Variants in HSD17B2 observed in about 807,000 individuals in gnomAD.
HSD17B2 encodes hydroxysteroid 17-beta dehydrogenase 2.
In HSD17B2, 32 loss-of-function variants were observed where a neutral mutation model predicts 26.9. The ratio of observed to expected loss-of-function variants is 1.19; its 90% CI spans 0.90 to 1.60. The LOEUF (loss-of-function observed/expected upper bound fraction) is 1.60. Ranked by LOEUF, HSD17B2 falls within the 40% of genes most tolerant of loss-of-function variation. The pLI, the probability that HSD17B2 is intolerant of heterozygous loss-of-function variation, is 0.00. For synonymous variants in HSD17B2, 246 were observed against 186.7 expected (o/e 1.32, Z -2.59); for missense variants, 613 against 468.6 (o/e 1.31, Z -2.85).
chr16:82,059,674 G>A (rs918090054), intron 1 of HSD17B2, among the ~76,000 whole-genome samples: 1 of 152,192 alleles, frequency 6.6e-6, no homozygotes, highest in Non-Finnish European at 1.5e-5. Flanking sequence ...ACAAAAGAAT[G>A]AAGGTGAAGA....
chr16:82,081,742 CTTCT>C (rs1028660353), intron 3 of HSD17B2, among the ~76,000 whole-genome samples: 14 of 152,296 alleles, frequency 9.2e-5, no homozygotes, highest in African/African-American at 3.4e-4. Flanking sequence ...CTGCCCCGCA[CTTCT>C]TTATTTTTAA....
intron 1 of HSD17B2, among the ~76,000 whole-genome samples, chr16:82,041,209 T>C (rs1913756933): frequency 6.6e-6 from 1 of 152,200 alleles, no homozygotes; most frequent in Admixed American, 6.5e-5. Flanking sequence ...CATGTGCCTC[T>C]TCTCAGTCTC....
chr16:82,073,777 CA>C (rs1414813526), intron 3 of HSD17B2, among the ~76,000 whole-genome samples: 6 of 152,162 alleles, frequency 3.9e-5, no homozygotes, highest in African/African-American at 1.2e-4. Flanking sequence ...CCACTCTGCC[CA>C]AAGCAATTTA....
intron 1 of HSD17B2, among the ~76,000 whole-genome samples, chr16:82,040,094 T>C (rs1192706747): frequency 1.3e-5 from 2 of 152,218 alleles, no homozygotes; most frequent in Non-Finnish European, 2.9e-5. Context: ...TAATTTTTAA[T>C]TGAAAATTTC....
At chr16:82,043,484 A>T (rs1454314130) in intron 1 of HSD17B2, among the ~76,000 whole-genome samples, 1 of 144,100 alleles carries the variant, frequency 6.9e-6, no homozygotes, top group Non-Finnish European at 1.5e-5. Context: ...GGAGATGGAG[A>T]CTATCCTGGC....
chr16:82,057,783 G>C (rs952899226), intron 1 of HSD17B2, among the ~76,000 whole-genome samples: 1 of 152,168 alleles, frequency 6.6e-6, no homozygotes, highest in African/African-American at 2.4e-5. Context: ...AATTCAAATA[G>C]AGAGGCGTTC....
chr16:82,071,127 G>C lies in HSD17B2; in HGVS notation c.664G>C (p.Gly222Arg), dbSNP rs201400632. ...GRLVNVSSMG[G>R]GAPMERLASY... ...GCTGGTGAATGTCAGCAGCATGGGA[G>C]GTGAGTCAGCATTTTCACACATGGT... Residue 222 changes from glycine to arginine, a missense_variant and splice_region_variant, in exon 3 of 5, where the codon GGA becomes CGA. Transcript: ENST00000199936. The C allele has an allele frequency of 1.2e-6, 2 of 1,613,918 alleles. No homozygotes were observed. The highest frequency in any genetic ancestry group is 1.3e-5 in the African/African-American group (1 of 74,926).
intron 3 of HSD17B2, among the ~76,000 whole-genome samples, chr16:82,085,645 T>A (rs1315636343): frequency 6.6e-6 from 1 of 152,126 alleles, no homozygotes; most frequent in Non-Finnish European, 1.5e-5. Flanking sequence ...TAGGGCTGTC[T>A]CTTACTCCAT....
At chr16:82,046,976 G>A (rs898452851) in intron 1 of HSD17B2, among the ~76,000 whole-genome samples, 2 of 152,216 alleles carry the variant, frequency 1.3e-5, no homozygotes, top group African/African-American at 4.8e-5. Flanking sequence ...GAGGGAAAGG[G>A]GTATTGGCTG....
intron 2 of HSD17B2, among the ~76,000 whole-genome samples, chr16:82,070,534 G>A (rs150384371): frequency 1.8e-3 from 279 of 152,324 alleles, no homozygotes; most frequent in African/African-American, 6.4e-3. Context: ...GTTGGGGTCC[G>A]CCCATGTGGC....
chr16:82,052,856 A>G (rs540146336), intron 1 of HSD17B2, among the ~76,000 whole-genome samples: 1 of 152,300 alleles, frequency 6.6e-6, no homozygotes, highest in East Asian at 1.9e-4. Flanking sequence ...ATTCACTCAC[A>G]TTTCTGGAGG....
chr16:82,089,205 G>C (rs1213186123), intron 3 of HSD17B2, among the ~76,000 whole-genome samples: 8 of 152,292 alleles, frequency 5.3e-5, no homozygotes, highest in Middle Eastern at 6.8e-3. Flanking sequence ...TTTACATGAA[G>C]GGAATTATAC....
intron 1 of HSD17B2, among the ~76,000 whole-genome samples, chr16:82,048,052 G>C (rs1382045025): frequency 6.6e-6 from 1 of 152,226 alleles, no homozygotes; most frequent in African/African-American, 2.4e-5. Flanking sequence ...GTTGTATTCA[G>C]GTGGTGGTGT....
rs1385236751 is a variant in HSD17B2 at position 82,090,833 on chromosome 16, TTAAA to T, written c.665-66_665-63del. On this transcript the variant is annotated intron_variant, in intron 3 of 4. Coordinates refer to ENST00000199936, the MANE Select transcript of HSD17B2 (RefSeq NM_002153.3). ...AGTTCCTACATACAGTAGACACTGA[TTAAA>T]TATTTATTGGATGAACAAATGAACA... 2.1e-6 allele frequency: 3 copies of T among 1,428,754 alleles called. No homozygotes were observed. In the African/African-American group the frequency reaches 4.3e-5, roughly 20 times the overall value. 88.5% of individuals were successfully genotyped at this position (1,428,754 alleles called of 1,614,324 possible). A position where few individuals can be genotyped will look rare whatever the true frequency, so the allele number is the denominator to read the frequency against.
At chr16:82,086,619 T>A (rs1904534339) in intron 3 of HSD17B2, among the ~76,000 whole-genome samples, 1 of 152,188 alleles carries the variant, frequency 6.6e-6, no homozygotes, top group African/African-American at 2.4e-5. Context: ...GGGATGATTT[T>A]TCGTGCCTAT....
intron 4 of HSD17B2, chr16:82,092,919 C>G (rs1026645150): frequency 6.6e-6 from 1 of 152,102 alleles, no homozygotes; most frequent in Non-Finnish European, 1.5e-5. Context: ...AAAGAGAATT[C>G]CAACACACAG....
chr16:82,074,792 T>C (rs892796804), intron 3 of HSD17B2, among the ~76,000 whole-genome samples: 12 of 152,194 alleles, frequency 7.9e-5, no homozygotes, highest in Non-Finnish European at 7.4e-5. Flanking sequence ...GGATAGATCA[T>C]CCAGGCAGAA....
intron 1 of HSD17B2, among the ~76,000 whole-genome samples, chr16:82,063,843 A>G (rs941595536): frequency 6.6e-6 from 1 of 152,160 alleles, no homozygotes; most frequent in Non-Finnish European, 1.5e-5. Context: ...ACTCTACACC[A>G]AAGTTAGGTT....
At chr16:82,043,069 A>G (rs1278506042) in intron 1 of HSD17B2, among the ~76,000 whole-genome samples, 1 of 152,224 alleles carries the variant, frequency 6.6e-6, no homozygotes, top group Admixed American at 6.5e-5. Flanking sequence ...ATCTCTTGAC[A>G]TCATTTCTGT....
Sources: allele counts gnomAD v4.1 joint callset (sites outside exome capture counted in the v4.1 genomes callset), GRCh38; gene constraint gnomAD v4.1.1; transcripts MANE v1.5; gene names NCBI Gene and HGNC (gene_info 2026-07-23, HGNC 2026-07-21).